Variants in C9 observed in about 807,000 individuals in gnomAD.
C9 encodes complement C9, also known as complement component C9.
Under a neutral mutation model 65.4 loss-of-function variants are expected in C9, and 63 were observed. That is an observed-to-expected ratio of 0.96 (90% CI 0.79 to 1.19). C9 has a LOEUF of 1.19. Among genes scored for constraint, C9 ranks in the 50% most tolerant of loss-of-function variants. The probability of loss-of-function intolerance (pLI) is 0.00; values close to 1 mark genes in which losing one functional copy is unlikely to be tolerated. For missense variants in C9, 744 were observed against 670.1 expected (o/e 1.11, Z -1.22); for synonymous variants, 229 against 227.9 (o/e 1.00, Z -0.04).
chr5:39,349,047 C>G (rs938701023), intron 1 of C9, among the ~76,000 whole-genome samples: 3 of 151,450 alleles, frequency 2.0e-5, no homozygotes, highest in African/African-American at 7.3e-5. Context: ...GGGGAAGGAA[C>G]GCATTAGGAG....
chr5:39,314,364 G>A (rs10054537), intron 6 of C9, among the ~76,000 whole-genome samples: 4 of 152,022 alleles, frequency 2.6e-5, no homozygotes, highest in African/African-American at 9.7e-5. Context: ...CAGGAGAATT[G>A]CTTGTACCTG....
chr5:39,290,331 GTAAC>G (rs1315042505), intron 9 of C9, among the ~76,000 whole-genome samples: 2 of 151,842 alleles, frequency 1.3e-5, no homozygotes, highest in African/African-American at 2.4e-5. Context: ...ATTCAATTGT[GTAAC>G]TAGCAAGAGC....
Position 39,316,038 on chromosome 5 carries a change from GAAT to G in C9, c.616-12_616-10del, listed in dbSNP as rs763866944. On this transcript the variant is annotated splice_polypyrimidine_tract_variant and intron_variant, in intron 5 of 10. Transcript: ENST00000263408. Reference sequence around the variant, plus strand: ...TTTTTCTCGCCTTTGGTCTAAAAGAGAATAAAAAAGTGTTGTTAAAAACAAGAT... The same window carrying G: ...TTTTTCTCGCCTTTGGTCTAAAAGAGAAAAAAGTGTTGTTAAAAACAAGAT... 6.2e-7 allele frequency: 1 copy of G among 1,605,176 alleles called. No homozygotes were observed. Among genetic ancestry groups the G allele is most frequent in the Non-Finnish European group, 8.5e-7 (1 of 1,174,050 alleles).
chr5:39,344,719 G>A (rs1437124073), intron 1 of C9, among the ~76,000 whole-genome samples: 1 of 152,122 alleles, frequency 6.6e-6, no homozygotes, highest in Non-Finnish European at 1.5e-5. Context: ...ACACATAATT[G>A]TCAGATTTAC....
At chr5:39,349,181 A>C (rs199944159) in intron 1 of C9, among the ~76,000 whole-genome samples, 182 of 130,476 alleles carry the variant, frequency 1.4e-3, no homozygotes, top group African/African-American at 4.3e-3. Context: ...TAAACAAAAA[A>C]GGAAAAAAAA....
chr5:39,361,150 G>A (rs1401694812), intron 1 of C9, among the ~76,000 whole-genome samples: 1 of 151,702 alleles, frequency 6.6e-6, no homozygotes, highest in Non-Finnish European at 1.5e-5. Context: ...GTAAAAAATA[G>A]TATATATAAT....
intron 6 of C9, among the ~76,000 whole-genome samples, chr5:39,312,482 T>C (rs1455223213): frequency 1.3e-5 from 2 of 152,182 alleles, no homozygotes; most frequent in Non-Finnish European, 2.9e-5. Context: ...TCAGGTCTCC[T>C]TGTCCCTTTC....
intron 1 of C9, among the ~76,000 whole-genome samples, chr5:39,343,678 G>A (rs564267047): frequency 6.6e-6 from 1 of 152,262 alleles, no homozygotes; most frequent in South Asian, 2.1e-4. Flanking sequence ...AGAGAGTAGT[G>A]GTTCTCCCAG....
intron 1 of C9, among the ~76,000 whole-genome samples, chr5:39,343,192 G>A (rs1464131755): frequency 2.6e-5 from 4 of 152,166 alleles, no homozygotes; most frequent in African/African-American, 7.2e-5. Flanking sequence ...AGGACAGTGG[G>A]TGCAGCCCAC....
At chr5:39,287,066 G>A (rs989491108) in intron 10 of C9, among the ~76,000 whole-genome samples, 5 of 151,732 alleles carry the variant, frequency 3.3e-5, no homozygotes, top group African/African-American at 1.2e-4. Flanking sequence ...ATTAACACTT[G>A]GACTAAGATC....
chr5:39,341,678 A>G lies in C9; in HGVS notation c.206T>C (p.Val69Ala). The change falls in exon 3 of 11, where the codon GTC becomes GCC. Residue 69 changes from valine to alanine, a missense_variant. Coordinates refer to ENST00000263408, the MANE Select transcript of C9 (RefSeq NM_001737.5). ...TCTTTTCCCATTAAATTGTCCAAAG[A>G]CCTCAATGCTTCTTGAACGAAACTG... ...RQMFRSRSIE[V>A]FGQFNGKRCT... The G allele has an allele frequency of 2.5e-6, 4 of 1,614,066 alleles. No homozygotes were observed. Among genetic ancestry groups the G allele is most frequent in the Middle Eastern group, 1.7e-4 (1 of 6,060 alleles).
intron 9 of C9, among the ~76,000 whole-genome samples, chr5:39,290,711 C>T (rs1304687819): frequency 6.6e-6 from 1 of 151,762 alleles, no homozygotes; most frequent in East Asian, 1.9e-4. Flanking sequence ...GCCCAGTATT[C>T]TAGGGCTACT....
At chr5:39,360,486 C>A (rs573623427) in intron 1 of C9, among the ~76,000 whole-genome samples, 74 of 152,012 alleles carry the variant, frequency 4.9e-4, no homozygotes, top group Non-Finnish European at 9.0e-4. Flanking sequence ...ATGAAAGTAA[C>A]TCCACTAAAA....
Position 39,301,080 on chromosome 5 carries a change from A to G in C9, c.1416+5537T>C, listed in dbSNP as rs181670864. On this transcript the variant is annotated intron_variant, in intron 9 of 10. Transcript: ENST00000263408. ...GAAACAACTTTAATTCAAACATTAA[A>G]AGCACTAACTATAGTGAATAGAAAG... is the stretch of plus-strand genomic sequence containing the variant. Among the ~76,000 whole-genome samples, 467 of 152,268 alleles carry G rather than the reference A, an allele frequency of 3.1e-3. 5 individuals are homozygous for G. The highest frequency in any genetic ancestry group is 0.011 in the African/African-American group (444 of 41,578).
intron 5 of C9, among the ~76,000 whole-genome samples, chr5:39,320,625 A>T (rs1343572437): frequency 1.3e-5 from 2 of 152,042 alleles, no homozygotes; most frequent in African/African-American, 4.8e-5. Flanking sequence ...AGAAATAATG[A>T]CAGCAAGTTT....
chr5:39,319,498 A>G (rs535840727), intron 5 of C9, among the ~76,000 whole-genome samples: 1 of 152,220 alleles, frequency 6.6e-6, no homozygotes, highest in Admixed American at 6.5e-5. Context: ...CTAAGACTCC[A>G]GCTATAACCC....
chr5:39,341,120 T>C, intron 4 of C9, 26 bp downstream of exon 4: 1 of 1,613,208 alleles, frequency 6.2e-7, no homozygotes, highest in Non-Finnish European at 8.5e-7. Flanking sequence ...CATTTTCATC[T>C]GAAAAAGTAC....
At chr5:39,305,456 T>A (rs921701760) in intron 9 of C9, among the ~76,000 whole-genome samples, 2 of 152,040 alleles carry the variant, frequency 1.3e-5, no homozygotes, top group Non-Finnish European at 2.9e-5. Flanking sequence ...TATGAAAATG[T>A]TAAAATTTCT....
intron 1 of C9, among the ~76,000 whole-genome samples, chr5:39,362,897 G>A (rs1279633429): frequency 2.0e-5 from 3 of 152,040 alleles, no homozygotes; most frequent in Admixed American, 2.0e-4. Flanking sequence ...GGGAGCCCAC[G>A]AAACCAAACC....
Sources: allele counts gnomAD v4.1 joint callset (sites outside exome capture counted in the v4.1 genomes callset), GRCh38; gene constraint gnomAD v4.1.1; transcripts MANE v1.5; gene names NCBI Gene and HGNC (gene_info 2026-07-23, HGNC 2026-07-21).